The following TTC3 variants were observed in gnomAD, a reference collection of about 807,000 sequenced individuals.
The protein encoded by TTC3 is E3 ubiquitin-protein ligase TTC3.
In TTC3, 180 loss-of-function variants were observed where a neutral mutation model predicts 249.6. The ratio of observed to expected loss-of-function variants is 0.72; its 90% CI spans 0.64 to 0.82. The LOEUF is 0.82. TTC3 is among the 40% of genes least tolerant of loss of function. The pLI is 0.00. For synonymous variants in TTC3, 717 were observed against 805.0 expected (o/e 0.89, Z 1.85); for missense variants, 2,061 against 2,398.4 (o/e 0.86, Z 2.94).
chr21:37,179,531 C>T (rs1468686349), intron 35 of TTC3, among the ~76,000 whole-genome samples: 1 of 152,150 alleles, frequency 6.6e-6, no homozygotes, highest in East Asian at 1.9e-4. Flanking sequence ...AGCTAAGAAA[C>T]CCGTCTACTT....
At chr21:37,179,106 G>A (rs1228066366) in intron 35 of TTC3, among the ~76,000 whole-genome samples, 2 of 152,146 alleles carry the variant, frequency 1.3e-5, no homozygotes, top group African/African-American at 4.8e-5. Flanking sequence ...ACCCTCACTC[G>A]CTACAAAAAA....
chr21:37,161,937 T>C, intron 30 of TTC3, 53 bp from the exon 31 acceptor site: 2 of 1,300,954 alleles, frequency 1.5e-6, no homozygotes, highest in East Asian at 2.4e-5. Flanking sequence ...TTTTTCTCTT[T>C]AATGGAATTT....
rs1301699281 is a variant in TTC3, at chr21:37,140,272, T to C, written c.1660-289T>C. The stretch of plus-strand genomic sequence containing the variant: ...AACAAAAACACGATTTGACTCTTTT[T>C]AGTATTAGCCAGCACACGCCAGGCC... On this transcript the variant is annotated intron_variant, in intron 19 of 45. Transcript: ENST00000355666. Among the ~76,000 whole-genome samples, 5 of 152,300 alleles carry C rather than the reference T, an allele frequency of 3.3e-5. No individual in the cohort carries two copies. In the East Asian group the frequency reaches 9.6e-4, roughly 29 times the overall value.
At chr21:37,194,538 C>G (rs376926950) in intron 41 of TTC3, 2 of 152,236 alleles carry the variant, frequency 1.3e-5, no homozygotes, top group East Asian at 1.9e-4. Flanking sequence ...GCTGGTCAAT[C>G]AGATATGCCA....
intron 7 of TTC3, 79 bp from the exon 8 acceptor site, chr21:37,093,926 A>T: frequency 1.1e-6 from 1 of 894,728 alleles, no homozygotes. Flanking sequence ...CTAACTCAAG[A>T]ATTAGAATAT....
chr21:37,103,991 G>A (rs930624676), intron 10 of TTC3, among the ~76,000 whole-genome samples: 3 of 152,164 alleles, frequency 2.0e-5, no homozygotes, highest in African/African-American at 7.2e-5. Flanking sequence ...GATCTGAAGG[G>A]GATGTAGTGT....
chr21:37,193,850 C>A (rs1210584412), intron 41 of TTC3: 1 of 152,212 alleles, frequency 6.6e-6, no homozygotes, highest in East Asian at 1.9e-4. Flanking sequence ...GCTGGAGCGG[C>A]GTGGATCAGG....
chr21:37,120,194 A>G lies in TTC3; in HGVS notation c.901-1623A>G, dbSNP rs367620441. Among the ~76,000 whole-genome samples the G allele has an allele frequency of 1.8e-4, 27 of 152,236 alleles. 1 individual carries two copies. The highest frequency in any genetic ancestry group is 1.7e-3 in the East Asian group (9 of 5,184). ...GAGACTAGAGAGATGAGCAAGAGGG[A>G]ATTTCCACATGTGTGATAGAGAATG... On this transcript the variant is annotated intron_variant, in intron 11 of 45. Transcript: ENST00000355666.
At chr21:37,128,940 T>C (rs931228628) in intron 15 of TTC3, 63 bp from the exon 16 acceptor site, 5 of 1,264,550 alleles carry the variant, frequency 4.0e-6, no homozygotes, top group Admixed American at 5.1e-5. Context: ...AAAAATAGTT[T>C]TACTCTCAGG....
intron 17 of TTC3, 100 bp downstream of exon 17, chr21:37,132,866 T>A (rs935076373): frequency 2.9e-5 from 25 of 849,266 alleles, no homozygotes; most frequent in South Asian, 6.7e-5. Flanking sequence ...AAGTTTTTTT[T>A]ATATAATTAT....
At chr21:37,153,192 G>A (rs765313126) in exon 27 of TTC3, 14 of 1,614,128 alleles carry the variant, frequency 8.7e-6, no homozygotes, top group Admixed American at 1.7e-5. Flanking sequence ...ACAGAGTAAA[G>A]ACAAGAATAT....
chr21:37,144,639 A>T lies in TTC3; in HGVS notation c.1887A>T (p.Lys629Asn), dbSNP rs372074813. 48 of 1,606,862 alleles carry T rather than the reference A, an allele frequency of 3.0e-5. No individual in the cohort carries two copies. The African/African-American group carries it at 5.8e-4, about 19-fold the overall frequency. The change falls in exon 21 of 46, where the codon AAA (lysine) becomes AAT (asparagine). Residue 629 changes from lysine to asparagine, a missense_variant. Physicochemically the swap from Lys to Asn is moderately conservative, Grantham distance 94. This residue lies in a region of TTC3 where 989 missense variants were observed against 1,145.1 expected (regional missense o/e 0.86). Transcript: ENST00000355666. ...TTATTGAAGAGTCTCAGCCACAAAA[A>T]ATAAAGGTAACCATTTATTTTTGCA... is the stretch of plus-strand genomic sequence containing the variant.
At chr21:37,090,136 ATAGTAGTGTTCCTAAAATG>A in intron 5 of TTC3, 78 bp from the exon 6 acceptor site, 1 of 809,246 alleles carries the variant, frequency 1.2e-6, no homozygotes, top group East Asian at 2.5e-5. Context: ...CTGAGTACAT[ATAGTAGTGTTCCTAAAATG>A]TAGGCCATTT....
At chr21:37,093,594 T>G (rs2073578404) in intron 7 of TTC3, among the ~76,000 whole-genome samples, 1 of 152,158 alleles carries the variant, frequency 6.6e-6, no homozygotes, top group African/African-American at 2.4e-5. Context: ...TTTTCATGCA[T>G]TTTTATTGAA....
Position 37,088,190 on chromosome 21 carries a change from A to G in TTC3, c.188-6A>G. 6.5e-7 allele frequency: 1 copy of G among 1,548,670 alleles called. No individual in the cohort carries two copies. The highest frequency in any genetic ancestry group is 8.7e-7 in the Non-Finnish European group (1 of 1,149,072). ...ACATTAATTTTAAACTTTTTTTTTA[A>G]TTAAGAATTTGACATCTGCAGTATA... is the stretch of plus-strand genomic sequence containing the variant. On this transcript the variant is annotated splice_region_variant and splice_polypyrimidine_tract_variant and intron_variant, in intron 3 of 45. Transcript: ENST00000355666.
chr21:37,085,208 CA>C (rs1490041683), intron 1 of TTC3, among the ~76,000 whole-genome samples: 2 of 151,858 alleles, frequency 1.3e-5, no homozygotes, highest in Admixed American at 6.6e-5. Context: ...TATTTTATGC[CA>C]AAAAAATTTG....
At position 37,088,454 on chromosome 21, in the gene TTC3, C is replaced by T. The variant is rs80236602; in HGVS notation, c.338+108C>T. 1,296 of 1,359,914 alleles carry T rather than the reference C, an allele frequency of 9.5e-4. 34 individuals are homozygous for T. In the East Asian group the frequency reaches 0.03, roughly 31 times the overall value. The allele number at this position is 1,359,914 out of a possible 1,614,324, so 84.2% of individuals were successfully genotyped here. On this transcript the variant is annotated intron_variant, in intron 4 of 45. Coordinates refer to ENST00000355666, the Ensembl canonical transcript of TTC3. ...GCTTATGTCTTATTCTTGTATGCTG[C>T]TCAACGTTTGTGTAATAGGGTGGAA...
intron 1 of TTC3, among the ~76,000 whole-genome samples, chr21:37,075,147 C>T (rs1467266470): frequency 6.9e-6 from 1 of 144,274 alleles, no homozygotes; most frequent in Admixed American, 7.1e-5. Context: ...TTAAAATATA[C>T]ATGCCTTTTT....
At chr21:37,073,638 C>G (rs1198994579) in intron 1 of TTC3, among the ~76,000 whole-genome samples, 165 bp downstream of exon 1, 1 of 152,086 alleles carries the variant, frequency 6.6e-6, no homozygotes, top group Non-Finnish European at 1.5e-5. Context: ...CCTGGGATGC[C>G]GGTGCGAGGG....
Sources: allele counts gnomAD v4.1 joint callset (sites outside exome capture counted in the v4.1 genomes callset), GRCh38; gene constraint gnomAD v4.1.1; regional missense constraint gnomAD v4.1.1; transcripts MANE v1.5; gene names NCBI Gene and HGNC (gene_info 2026-07-23, HGNC 2026-07-21).